The following TACC2 variants were observed in gnomAD, a reference collection of about 807,000 sequenced individuals.
TACC2 encodes transforming acidic coiled-coil-containing protein 2.
TACC2 carries 137 observed loss-of-function variants against 227.3 expected under a neutral mutation model. That is an observed-to-expected ratio of 0.60 (90% confidence interval 0.52 to 0.69). The LOEUF (loss-of-function observed/expected upper bound fraction) is 0.69. TACC2 is among the 30% of genes least tolerant of loss of function. The pLI is 0.00. For synonymous variants in TACC2, 1,523 were observed against 1,487.5 expected (o/e 1.02, Z -0.55); for missense variants, 3,470 against 3,694.4 (o/e 0.94, Z 1.57).
At chr10:121,993,925 C>A (rs904469531) in intron 1 of TACC2, among the ~76,000 whole-genome samples, 5 of 152,182 alleles carry the variant, frequency 3.3e-5, no homozygotes, top group Non-Finnish European at 7.3e-5. Flanking sequence ...CGTAAGCCAC[C>A]ACACCCAGCC....
chr10:122,176,879 A>G (rs2093743890), intron 7 of TACC2, among the ~76,000 whole-genome samples: 1 of 152,230 alleles, frequency 6.6e-6, no homozygotes. Flanking sequence ...GGAAGCTTAT[A>G]TAGCCCCCTG....
intron 5 of TACC2, among the ~76,000 whole-genome samples, chr10:122,093,811 T>C (rs868019754): frequency 6.6e-6 from 1 of 152,358 alleles, no homozygotes; most frequent in South Asian, 2.1e-4. Flanking sequence ...GGTAAATGTA[T>C]GATTACAATG....
At chr10:122,207,973 C>G (rs1411966932) in intron 8 of TACC2, among the ~76,000 whole-genome samples, 1 of 152,102 alleles carries the variant, frequency 6.6e-6, no homozygotes. Context: ...CTGTTCCCTC[C>G]GTGTATCCAG....
chr10:122,156,481 C>T (rs2092486228), intron 7 of TACC2, among the ~76,000 whole-genome samples: 1 of 152,176 alleles, frequency 6.6e-6, no homozygotes, highest in South Asian at 2.1e-4. Flanking sequence ...ATCTTGGCCT[C>T]CCAAAGTGCT....
chr10:122,159,523 G>A (rs777802850), intron 7 of TACC2, among the ~76,000 whole-genome samples: 4 of 152,216 alleles, frequency 2.6e-5, no homozygotes, highest in Admixed American at 6.5e-5. Flanking sequence ...GGGCTCGGGC[G>A]TTCAGGCACT....
At position 122,254,330 on chromosome 10, in the gene TACC2, A is replaced by C. The variant is rs898819681; in HGVS notation, c.*274A>C. 4.3e-6 allele frequency: 2 copies of C among 467,844 alleles called. No homozygotes were observed. The highest frequency in any genetic ancestry group is 4.1e-5 in the South Asian group (2 of 48,606). The allele number at this position is 467,844 out of a possible 1,614,324, so 29.0% of individuals were successfully genotyped here. ...TGTCTGATTCTCTAATAAAAGACAC[A>C]TTGCTGACCTTGGCCTTGCCCTTTG... On this transcript the variant is annotated 3_prime_UTR_variant, in exon 23 of 23. Transcript: ENST00000369005.
intron 11 of TACC2, among the ~76,000 whole-genome samples, chr10:122,219,974 G>A (rs189532366): frequency 7.1e-4 from 108 of 151,496 alleles, no homozygotes; most frequent in African/African-American, 2.6e-3. Context: ...GGAGACGGAG[G>A]TTGCAATGAG....
chr10:122,023,166 A>T (rs1957536277), intron 2 of TACC2: 1 of 151,982 alleles, frequency 6.6e-6, no homozygotes, highest in Non-Finnish European at 1.5e-5. Context: ...AGTAGCTGGG[A>T]TTACAGGGGC....
In TACC2 at chr10:122,051,765, C is replaced by CT. The variant is rs56185263; in HGVS notation, c.146+1242dup. The CT allele has an allele frequency of 7.1e-4, 87 of 122,436 alleles. 1 individual carries two copies. The highest frequency in any genetic ancestry group is 3.0e-3 in the East Asian group (13 of 4,396). 7.6% of individuals were successfully genotyped at this position (122,436 alleles called of 1,614,324 possible). On this transcript the variant is annotated intron_variant, in intron 3 of 22. Transcript: ENST00000369005. ...TGCAAAACCTTGAGACTCAAAGTGACTTTTTTTTTTTTTTTTTTTTTTTTT... is the reference window on the plus strand; with the variant it reads ...TGCAAAACCTTGAGACTCAAAGTGACTTTTTTTTTTTTTTTTTTTTTTTTTT...
At chr10:122,232,121 C>T (rs746986564) in intron 16 of TACC2, among the ~76,000 whole-genome samples, 5 of 152,228 alleles carry the variant, frequency 3.3e-5, no homozygotes, top group Admixed American at 6.5e-5. Flanking sequence ...GGGATGTCCT[C>T]GTTCTTGTTG....
intron 1 of TACC2, among the ~76,000 whole-genome samples, chr10:122,009,338 A>G (rs1290231974): frequency 2.6e-5 from 4 of 152,138 alleles, no homozygotes; most frequent in African/African-American, 9.7e-5. Context: ...CTAACTTAAA[A>G]ACAAACAAAT....
chr10:122,224,877 G>C, intron 12 of TACC2, 90 bp downstream of exon 12: 1 of 1,076,570 alleles, frequency 9.3e-7, no homozygotes, highest in Non-Finnish European at 1.4e-6. Flanking sequence ...TGGGAGCTCA[G>C]ACCCCAAATC....
At chr10:122,215,315 T>C in intron 9 of TACC2, 76 bp from the exon 10 acceptor site, 1 of 1,355,096 alleles carries the variant, frequency 7.4e-7, no homozygotes, top group Non-Finnish European at 1.1e-6. Flanking sequence ...AGGCAGTAGC[T>C]TCGGTCCGCT....
At chr10:122,030,246 G>A (rs1304449317) in intron 2 of TACC2, among the ~76,000 whole-genome samples, 3 of 152,104 alleles carry the variant, frequency 2.0e-5, no homozygotes, top group African/African-American at 7.2e-5. Context: ...CGTTGAAAAT[G>A]GGTTACATTT....
At position 122,049,316 on chromosome 10, in the gene TACC2, C is replaced by T. The variant is rs1238243777; in HGVS notation, c.34-1122C>T. 3.3e-5 allele frequency among the ~76,000 whole-genome samples: 5 copies of T among 152,320 alleles called. No individual in the cohort carries two copies. The South Asian group carries it at 6.2e-4, about 19-fold the overall frequency. On this transcript the variant is annotated intron_variant, in intron 2 of 22. Transcript: ENST00000369005. ...CGAGCTCTGCCATCTCTTTCTGTGG[C>T]GGTTTCGTCCACCACAGCTGGAAAC... is the stretch of plus-strand genomic sequence containing the variant.
intron 1 of TACC2, among the ~76,000 whole-genome samples, chr10:122,014,384 T>C (rs903404477): frequency 6.6e-6 from 1 of 152,114 alleles, no homozygotes; most frequent in African/African-American, 2.4e-5. Flanking sequence ...TAATTTTTTG[T>C]ATTTTTAGTA....
rs2095275369 is a variant in TACC2 at position 122,210,872 on chromosome 10, A to G, written c.6447A>G (p.Pro2149=). 6.2e-7 allele frequency: 1 copy of G among 1,612,872 alleles called. No individual in the cohort carries two copies. Among genetic ancestry groups the G allele is most frequent in the African/African-American group, 1.3e-5 (1 of 74,530 alleles). ...CCAAGAAACCCACAGAGACCCCCCC[A>G]GTGAAGGAGACGCAACAGGAGCCAG... is the stretch of plus-strand genomic sequence containing the variant. ...QTTKKPTETP[P]VKETQQEPDE... Residue 2149 remains proline (P), a synonymous_variant, in exon 9 of 23, where the codon CCA becomes CCG. Coordinates refer to ENST00000369005, the MANE Select transcript of TACC2 (RefSeq NM_206862.4). The surrounding 1 kb of genome is among the most constrained non-coding windows in gnomAD (Gnocchi z 4.6).
rs2080078766 is a variant in TACC2, at chr10:122,086,192, C to T, written c.3692C>T (p.Ala1231Val). The change falls in exon 4 of 23, where the codon GCT becomes GTT. Residue 1231 changes from alanine to valine, a missense_variant. By Grantham distance (64) the Ala-to-Val change is moderately conservative (BLOSUM62 0). Transcript: ENST00000369005. ...ELLLSGPPEV[A>V]APDTPYLHVD... ...CTGCTGTCTGGGCCACCAGAAGTGG[C>T]TGCTCCTGACACCCCTTACCTGCAT... 1 of 1,613,564 alleles carries T rather than the reference C, an allele frequency of 6.2e-7. No homozygotes were observed. The highest frequency in any genetic ancestry group is 1.7e-5 in the Admixed American group (1 of 60,002).
intron 5 of TACC2, among the ~76,000 whole-genome samples, chr10:122,132,049 A>G (rs1348177407): frequency 0.15 from 790 of 5,328 alleles, 9 homozygotes; most frequent in Middle Eastern, 0.67. Flanking sequence ...AGAAAGAAAG[A>G]AAGAAAGAAA....
Sources: allele counts gnomAD v4.1 joint callset (sites outside exome capture counted in the v4.1 genomes callset), GRCh38; gene constraint gnomAD v4.1.1; non-coding constraint Gnocchi (gnomAD v3.1); transcripts MANE v1.5; gene names NCBI Gene and HGNC (gene_info 2026-07-23, HGNC 2026-07-21).